The following THOP1 variants were observed in gnomAD, a reference collection of about 807,000 sequenced individuals.
THOP1 encodes the protein thimet oligopeptidase.
A neutral mutation model predicts 71.8 loss-of-function variants in THOP1; 49 were observed. The ratio of observed to expected loss-of-function variants is 0.68; its 90% CI spans 0.54 to 0.87. THOP1 has a LOEUF of 0.87. Among genes scored for constraint, THOP1 ranks in the 40% least tolerant of loss-of-function variants. The pLI is 0.00. For synonymous variants in THOP1, 426 were observed against 421.5 expected (o/e 1.01, Z -0.13); for missense variants, 843 against 975.6 (o/e 0.86, Z 1.81).
chr19:2,810,597 G>T, intron 10 of THOP1, 43 bp from the exon 11 acceptor site: 1 of 1,537,386 alleles, frequency 6.5e-7, no homozygotes, highest in Non-Finnish European at 8.8e-7. Flanking sequence ...AGAGTGGGCC[G>T]GGGCAGGTGC....
chr19:2,787,959 C>G (rs540261730), intron 1 of THOP1, among the ~76,000 whole-genome samples: 1 of 152,200 alleles, frequency 6.6e-6, no homozygotes, highest in Non-Finnish European at 1.5e-5. Flanking sequence ...GGAGTGCTGC[C>G]TCAGCCTCCC....
chr19:2,799,086 G>T (rs1916083820), intron 4 of THOP1, among the ~76,000 whole-genome samples: 1 of 152,232 alleles, frequency 6.6e-6, no homozygotes, highest in African/African-American at 2.4e-5. Flanking sequence ...AGCACTTTGG[G>T]AGGCTGAGGT....
chr19:2,793,978 G>A (rs1568319648), intron 2 of THOP1, among the ~76,000 whole-genome samples: 1 of 151,634 alleles, frequency 6.6e-6, no homozygotes, highest in Non-Finnish European at 1.5e-5. Context: ...AGTCTTGGGG[G>A]TCATGGGATG....
rs540167729 is a variant in THOP1, at chr19:2,792,960, G to C, written c.230-1804G>C. Among the ~76,000 whole-genome samples, 4 of 152,266 alleles carry C rather than the reference G, an allele frequency of 2.6e-5. No individual in the cohort carries two copies. In the South Asian group the frequency reaches 8.3e-4, roughly 32 times the overall value. On this transcript the variant is annotated intron_variant, in intron 2 of 12. Transcript: ENST00000307741. ...GGAGGCCGAGGTGGGCGGATGACTT[G>C]AGGTCAGGAGTTCGAGACCAGCCTG... is the stretch of plus-strand genomic sequence containing the variant.
At chr19:2,790,718 C>G (rs555408103) in intron 2 of THOP1, 85 bp downstream of exon 2, 1 of 1,289,810 alleles carries the variant, frequency 7.8e-7, no homozygotes, top group South Asian at 1.6e-5. Context: ...CCCGTGGAGC[C>G]GGTTCAGAAC....
intron 4 of THOP1, among the ~76,000 whole-genome samples, 184 bp from the exon 5 acceptor site, chr19:2,799,505 G>A (rs896599357): frequency 3.3e-5 from 5 of 152,162 alleles, no homozygotes; most frequent in South Asian, 2.1e-4. Flanking sequence ...GCGCAGCCTC[G>A]TGGCCTCCGT....
intron 2 of THOP1, among the ~76,000 whole-genome samples, chr19:2,794,191 T>A (rs1317249844): frequency 6.6e-6 from 1 of 151,794 alleles, no homozygotes; most frequent in African/African-American, 2.4e-5. Flanking sequence ...ATTTTTGTAT[T>A]TTTAGTAGAG....
chr19:2,807,780 G>C lies in THOP1; in HGVS notation c.1225G>C (p.Gly409Arg), dbSNP rs748851146. 6.5e-7 allele frequency: 1 copy of C among 1,530,482 alleles called. No homozygotes were observed. Among genetic ancestry groups the C allele is most frequent in the African/African-American group, 1.4e-5 (1 of 72,950 alleles). 94.8% of individuals were successfully genotyped at this position (1,530,482 alleles called of 1,614,324 possible). ...ARDAASGEVVGKFYLDLYPRE... is the reference protein window; with the variant it reads ...ARDAASGEVVRKFYLDLYPRE... ...GGACGCGGCCTCGGGGGAGGTGGTC[G>C]GCAAGTTCTACCTGGACCTGTACCC... is the stretch of plus-strand genomic sequence containing the variant. The change falls in exon 8 of 13, where the codon GGC becomes CGC. Residue 409 changes from glycine (G) to arginine (R), a missense_variant. Physicochemically the swap from Gly to Arg is moderately radical, Grantham distance 125 (BLOSUM62 -2). Transcript: ENST00000307741.
At chr19:2,792,896 G>T (rs1915919541) in intron 2 of THOP1, among the ~76,000 whole-genome samples, 3 of 152,094 alleles carry the variant, frequency 2.0e-5, no homozygotes, top group African/African-American at 7.2e-5. Flanking sequence ...ACACACTTCA[G>T]GCTGGGTGGC....
rs1916583571 is a variant in THOP1 at position 2,815,584 on chromosome 19, ACACTC to A, written c.*2311_*2315del. ...ACCGGGGGCACCCGGGTTTCCCCAA[ACACTC>A]CAGGACAGAGCGGGGGCTTTGATCA... is the stretch of plus-strand genomic sequence containing the variant. On this transcript the variant is annotated 3_prime_UTR_variant, in exon 13 of 13. Transcript: ENST00000307741. 1 of 152,154 alleles carries A rather than the reference ACACTC, an allele frequency of 6.6e-6. No individual in the cohort carries two copies. The highest frequency in any genetic ancestry group is 1.5e-5 in the Non-Finnish European group (1 of 68,082). The allele number at this position is 152,154 out of a possible 1,614,324, so 9.4% of individuals were successfully genotyped here.
At position 2,791,783 on chromosome 19, in the gene THOP1, G is replaced by C. The variant is rs1347991952; in HGVS notation, c.229+1150G>C. 2.6e-5 allele frequency among the ~76,000 whole-genome samples: 4 copies of C among 152,238 alleles called. 1 individual carries two copies. Among genetic ancestry groups the C allele is most frequent in the South Asian group, 4.1e-4 (2 of 4,826 alleles). The stretch of plus-strand genomic sequence containing the variant: ...CCTTTCCTCTCCTCCTTCACATGGT[G>C]GCGAGACTAGCATTAAAGGAAACTG... On this transcript the variant is annotated intron_variant, in intron 2 of 12. Transcript: ENST00000307741.
At chr19:2,811,997 C>A in intron 12 of THOP1, 1 of 1,018,070 alleles carries the variant, frequency 9.8e-7, no homozygotes, top group Non-Finnish European at 1.4e-6. Flanking sequence ...TGGTGCGGTG[C>A]TGCCCACAGC....
intron 12 of THOP1, chr19:2,811,997 C>T: frequency 9.8e-7 from 1 of 1,018,070 alleles, no homozygotes; most frequent in Non-Finnish European, 1.4e-6. Flanking sequence ...TGGTGCGGTG[C>T]TGCCCACAGC....
chr19:2,808,047 G>A, intron 8 of THOP1, 196 bp from the exon 9 acceptor site: 1 of 772,246 alleles, frequency 1.3e-6, no homozygotes, highest in Non-Finnish European at 2.0e-6. Context: ...GTCCTTTAGG[G>A]GAGGGATGGC....
intron 12 of THOP1, chr19:2,812,273 G>A (rs1342772363): frequency 1.1e-5 from 17 of 1,535,456 alleles, no homozygotes; most frequent in Middle Eastern, 1.7e-4. Context: ...ACCCAGGCTC[G>A]GGACAGCCGC....
Position 2,807,525 on chromosome 19 carries a change from C to T in THOP1, c.970C>T (p.Arg324Trp), listed in dbSNP as rs781350891. The stretch of plus-strand genomic sequence containing the variant: ...GCTGAAGCGTGCGGAGTGCGAGCGC[C>T]GGGGCCTGCCCTTCGACGGCCGCAT... The part of the protein sequence containing the change: ...LELKRAECER[R>W]GLPFDGRIRA... Residue 324 changes from arginine (R) to tryptophan (W), a missense_variant, in exon 8 of 13, where the codon CGG becomes TGG. Physicochemically the swap from Arg to Trp is moderately radical, Grantham distance 101 (BLOSUM62 -3). Transcript: ENST00000307741. The T allele has an allele frequency of 7.4e-6, 12 of 1,612,054 alleles. No individual in the cohort carries two copies. The highest frequency in any genetic ancestry group is 4.5e-5 in the East Asian group (2 of 44,876).
intron 3 of THOP1, among the ~76,000 whole-genome samples, chr19:2,795,304 C>T (rs564439523): frequency 6.6e-6 from 1 of 152,378 alleles, no homozygotes; most frequent in African/African-American, 2.4e-5. Flanking sequence ...CCTAGTGTGA[C>T]CCAAACACCC....
chr19:2,793,231 G>A (rs1026314205), intron 2 of THOP1, among the ~76,000 whole-genome samples: 11 of 152,054 alleles, frequency 7.2e-5, no homozygotes, highest in African/African-American at 2.7e-4. Context: ...TAAATTTGCA[G>A]CATTGCTCAG....
chr19:2,813,423 C>A lies in THOP1; in HGVS notation c.*147C>A, dbSNP rs1473850921. On this transcript the variant is annotated 3_prime_UTR_variant, in exon 13 of 13. Transcript: ENST00000307741. ...TGTCTTGCCTCTTGTCATTGTCTGT[C>A]CCCACCCGGTCGTGGCCCACCCGGC... 2 of 1,077,578 alleles carry A rather than the reference C, an allele frequency of 1.9e-6. No homozygotes were observed. Among genetic ancestry groups the A allele is most frequent in the Non-Finnish European group, 2.6e-6 (2 of 777,836 alleles). The allele number at this position is 1,077,578 out of a possible 1,614,324, so 66.8% of individuals were successfully genotyped here.
Sources: gnomAD v4.1 joint callset for allele counts (sites outside exome capture counted in the v4.1 genomes callset) on GRCh38, gnomAD v4.1.1 for gene constraint, MANE v1.5 for transcripts, NCBI Gene and HGNC (gene_info 2026-07-23, HGNC 2026-07-21) for gene names.